ERCC3: variants seen among roughly 807,000 people sequenced by gnomAD.
ERCC3 encodes the protein general transcription and DNA repair factor IIH helicase/translocase subunit XPB.
A neutral mutation model predicts 94.2 loss-of-function variants in ERCC3; 66 were observed. The observed-to-expected ratio is 0.70, with a 90% confidence interval of 0.57 to 0.86. ERCC3 has a LOEUF of 0.86. Among genes scored for constraint, ERCC3 ranks in the 40% least tolerant of loss-of-function variants. ERCC3 has a pLI of 0.00. For missense variants in ERCC3, 829 were observed against 987.1 expected (o/e 0.84, Z 2.15); for synonymous variants, 349 against 369.1 (o/e 0.95, Z 0.63).
chr2:127,267,975 C>G (rs1163230695), intron 12 of ERCC3, among the ~76,000 whole-genome samples: 1 of 151,854 alleles, frequency 6.6e-6, no homozygotes, highest in Non-Finnish European at 1.5e-5. Context: ...TGTTTTGAGA[C>G]AGAGTCTTGC....
In ERCC3 at chr2:127,272,884, T is replaced by G. The variant is rs778751078; in HGVS notation, c.1808A>C (p.Asn603Thr). Residue 603 changes from asparagine to threonine, a missense_variant, in exon 11 of 15, where the codon AAC becomes ACC. Physicochemically the swap from Asn to Thr is moderately conservative, Grantham distance 65 (BLOSUM62 0). Coordinates refer to ENST00000285398, the MANE Select transcript of ERCC3 (RefSeq NM_000122.2). ...ACAAACCTTGGATATGAAGATGGTGTTAATTTTGGGGTTGTGCTTGAAATT... is the reference window on the plus strand; with the variant it reads ...ACAAACCTTGGATATGAAGATGGTGGTAATTTTGGGGTTGTGCTTGAAATT... Reference protein sequence around the residue: ...LQNFKHNPKINTIFISKVGDT... With the variant: ...LQNFKHNPKITTIFISKVGDT... 9.3e-6 allele frequency: 15 copies of G among 1,612,926 alleles called. No individual in the cohort carries two copies. Among genetic ancestry groups the G allele is most frequent in the African/African-American group, 2.7e-5 (2 of 74,896 alleles).
In ERCC3 at chr2:127,280,947, C is replaced by T; in HGVS notation, c.1343-316G>A. ...CTGGCTCTAGACAAGAATGACTAGG[C>T]AAATGCTTCACCATCACTTTTAGAC... On this transcript the variant is annotated intron_variant, in intron 8 of 14. Transcript: ENST00000285398. The surrounding 1 kb of genome is among the most constrained non-coding windows in gnomAD (Gnocchi z 6.3). The T allele has an allele frequency of 2.0e-6, 1 of 493,540 alleles. No individual in the cohort carries two copies. The allele number at this position is 493,540 out of a possible 1,614,324, so 30.6% of individuals were successfully genotyped here.
chr2:127,261,344 T>C lies in ERCC3; in HGVS notation c.1948A>G (p.Met650Val). ...LGRVLRAKKGMVAEEYNAFFY... is the reference protein window; with the variant it reads ...LGRVLRAKKGVVAEEYNAFFY... ...AAGGCATTGTACTCTTCTGCAACCATCCCTGCAGGAAAAAATGAGAAACGG... is the reference window on the plus strand; with the variant it reads ...AAGGCATTGTACTCTTCTGCAACCACCCCTGCAGGAAAAAATGAGAAACGG... Residue 650 changes from methionine (M) to valine (V), a missense_variant and splice_region_variant, in exon 13 of 15, where the codon ATG becomes GTG. Met to Val is a conservative substitution (Grantham distance 21, BLOSUM62 1). Coordinates refer to ENST00000285398, the MANE Select transcript of ERCC3 (RefSeq NM_000122.2). 1 of 1,576,474 alleles carries C rather than the reference T, an allele frequency of 6.3e-7. No homozygotes were observed. The highest frequency in any genetic ancestry group is 8.7e-7 in the Non-Finnish European group (1 of 1,145,868).
At chr2:127,282,254 T>C (rs982710606) in intron 8 of ERCC3, among the ~76,000 whole-genome samples, 1 of 152,216 alleles carries the variant, frequency 6.6e-6, no homozygotes, top group Non-Finnish European at 1.5e-5. Context: ...TTCTGAACTT[T>C]GCATGAATGA....
chr2:127,263,709 T>C (rs543548235), intron 12 of ERCC3, among the ~76,000 whole-genome samples: 27 of 151,678 alleles, frequency 1.8e-4, no homozygotes, highest in Admixed American at 1.8e-3. Context: ...CCAGTTCTTT[T>C]TTTTTTTTTT....
chr2:127,287,067 G>T, intron 7 of ERCC3, 50 bp from the exon 8 acceptor site: 2 of 1,424,814 alleles, frequency 1.4e-6, no homozygotes, highest in Non-Finnish European at 9.8e-7. Context: ...TGAAATGAAG[G>T]ACAGGGACAG....
At chr2:127,293,410 T>C in intron 2 of ERCC3, 103 bp downstream of exon 2, 1 of 1,078,216 alleles carries the variant, frequency 9.3e-7, no homozygotes, top group Non-Finnish European at 1.4e-6. Flanking sequence ...CGGCCAGTTC[T>C]AGGGGCAGTA....
At position 127,289,791 on chromosome 2, in the gene ERCC3, G is replaced by T. The variant is rs1410798873; in HGVS notation, c.555C>A (p.Ile185=). 1.1e-5 allele frequency: 18 copies of T among 1,614,006 alleles called. No homozygotes were observed. The highest frequency in any genetic ancestry group is 1.5e-5 in the Non-Finnish European group (18 of 1,180,032). The change falls in exon 5 of 15, where the codon ATC becomes ATA. Residue 185 remains isoleucine (I), a synonymous_variant. Transcript: ENST00000285398. Reference sequence around the variant, plus strand: ...TCACGGGGTCCTGGAGAAGATGCTGGATTACATCAGGGTGGCAACTTTCAA... The same window carrying T: ...TCACGGGGTCCTGGAGAAGATGCTGTATTACATCAGGGTGGCAACTTTCAA... The part of the protein sequence containing the change: ...YFVESCHPDV[I]QHLLQDPVIR...
intron 12 of ERCC3, chr2:127,261,578 T>G (rs776320418): frequency 2.7e-5 from 14 of 527,038 alleles, no homozygotes; most frequent in Non-Finnish European, 4.8e-5. Context: ...GGAAAGCATA[T>G]ATCTGATAAG....
rs4150413 is a variant in ERCC3 at position 127,289,525 on chromosome 2, C to G, written c.658-24G>C. The G allele has an allele frequency of 4.3e-3, 6,910 of 1,612,004 alleles. 399 individuals are homozygous for G. In the Admixed American group the frequency reaches 0.096, roughly 22 times the overall value. ...ATCTGTGAGAGAGGTAGGTGCTGAACGTGCACACAACATTTAATTCTGCTG... is the reference window on the plus strand; with the variant it reads ...ATCTGTGAGAGAGGTAGGTGCTGAAGGTGCACACAACATTTAATTCTGCTG... On this transcript the variant is annotated intron_variant, in intron 5 of 14. Transcript: ENST00000285398.
rs886200981 is a variant in ERCC3, at chr2:127,274,401, T to C, written c.1731-1440A>G. 2.6e-5 allele frequency among the ~76,000 whole-genome samples: 4 copies of C among 151,946 alleles called. No homozygotes were observed. Among genetic ancestry groups the C allele is most frequent in the Non-Finnish European group, 5.9e-5 (4 of 68,004 alleles). ...AGCATTGTAAAAGACAGGTTTCATG[T>C]TCCCCAATTTACATGTGGGAAACCA... On this transcript the variant is annotated intron_variant, in intron 10 of 14. Transcript: ENST00000285398. The surrounding 1 kb of genome is among the most constrained non-coding windows in gnomAD (Gnocchi z 4.0).
At chr2:127,275,500 T>C (rs1245846571) in intron 10 of ERCC3, among the ~76,000 whole-genome samples, 1 of 152,074 alleles carries the variant, frequency 6.6e-6, no homozygotes, top group Admixed American at 6.5e-5. Context: ...GGCTTGGAAT[T>C]GACAGTGCCA....
At chr2:127,283,479 T>C (rs892645854) in intron 8 of ERCC3, among the ~76,000 whole-genome samples, 11 of 152,246 alleles carry the variant, frequency 7.2e-5, no homozygotes, top group Admixed American at 6.5e-4. Flanking sequence ...AGCTTGTTTA[T>C]CCAGACACCC....
rs1558948799 is a variant in ERCC3, at chr2:127,264,940, A to C, written c.1946-3594T>G. On this transcript the variant is annotated intron_variant, in intron 12 of 14. Transcript: ENST00000285398. The surrounding 1 kb of genome is among the most constrained non-coding windows in gnomAD (Gnocchi z 4.4). ...TCAGCTCACTGCAACCTCCACCTCC[A>C]GGGTTTAAGCAATTCTCCTGCCTCA... 6.7e-6 allele frequency among the ~76,000 whole-genome samples: 1 copy of C among 149,442 alleles called. No individual in the cohort carries two copies. Among genetic ancestry groups the C allele is most frequent in the Non-Finnish European group, 1.5e-5 (1 of 67,530 alleles).
At position 127,274,907 on chromosome 2, in the gene ERCC3, C is replaced by A. The variant is rs529042894; in HGVS notation, c.1731-1946G>T. Among the ~76,000 whole-genome samples the A allele has an allele frequency of 2.0e-5, 3 of 152,254 alleles. No homozygotes were observed. Among genetic ancestry groups the A allele is most frequent in the East Asian group, 1.9e-4 (1 of 5,172 alleles). ...ACAAGCTGCCAGGCACAAGAATCCA[C>A]CCCCCACCATCAAGGGACACCAGGA... On this transcript the variant is annotated intron_variant, in intron 10 of 14. Coordinates refer to ENST00000285398, the MANE Select transcript of ERCC3 (RefSeq NM_000122.2). This position sits in a 1 kb window ranked among gnomAD's most constrained non-coding sequence, Gnocchi z 4.0.
In ERCC3 at chr2:127,290,256, A is replaced by G. The variant is rs1488172483; in HGVS notation, c.489T>C (p.Tyr163=). 1.2e-6 allele frequency: 2 copies of G among 1,613,958 alleles called. No individual in the cohort carries two copies. The highest frequency in any genetic ancestry group is 2.2e-5 in the South Asian group (2 of 91,086). The change falls in exon 4 of 15, where the codon TAT becomes TAC. Residue 163 remains tyrosine (Y), a synonymous_variant. Transcript: ENST00000285398. ...MQFIKLCTVS[Y]GKVKLVLKHN... ...GCTTCAAGACCAGCTTGACTTTTCCATAGCTGACAGTACACAACTGCAAAT... is the reference window on the plus strand; with the variant it reads ...GCTTCAAGACCAGCTTGACTTTTCCGTAGCTGACAGTACACAACTGCAAAT...
In ERCC3 at chr2:127,289,817, C is replaced by A. The variant is rs139690693; in HGVS notation, c.529G>T (p.Val177Phe). The change falls in exon 5 of 15, where the codon GTT (valine) becomes TTT (phenylalanine). Residue 177 changes from valine to phenylalanine, a missense_variant. By Grantham distance (50) the Val-to-Phe change is conservative. Coordinates refer to ENST00000285398, the MANE Select transcript of ERCC3 (RefSeq NM_000122.2). ...ATTACATCAGGGTGGCAACTTTCAA[C>A]GAAGTATCTGCAAGCAGGGGAGGAA... Reference protein sequence around the residue: ...KLVLKHNRYFVESCHPDVIQH... With the variant: ...KLVLKHNRYFFESCHPDVIQH... 5 of 1,614,034 alleles carry A rather than the reference C, an allele frequency of 3.1e-6. No individual in the cohort carries two copies. The highest frequency in any genetic ancestry group is 3.4e-6 in the Non-Finnish European group (4 of 1,180,006).
rs1291272894 is a variant in ERCC3 at position 127,288,771 on chromosome 2, T to C, written c.916A>G (p.Ile306Val). Residue 306 changes from isoleucine to valine, a missense_variant, in exon 7 of 15, where the codon ATC (isoleucine) becomes GTC (valine). Ile to Val is a conservative substitution (Grantham distance 29). Coordinates refer to ENST00000285398, the MANE Select transcript of ERCC3 (RefSeq NM_000122.2). ...GCTGTGGGCTTTAGGTCAATGTTGA[T>C]ATCAGGGTTGACAGAATCATTCCGG... ...DFRNDSVNPD[I>V]NIDLKPTAVL... The C allele has an allele frequency of 3.7e-6, 6 of 1,614,096 alleles. No individual in the cohort carries two copies. Among genetic ancestry groups the C allele is most frequent in the South Asian group, 1.1e-5 (1 of 91,074 alleles).
chr2:127,270,069 T>C (rs1684503053), intron 12 of ERCC3, among the ~76,000 whole-genome samples: 1 of 152,134 alleles, frequency 6.6e-6, no homozygotes, highest in South Asian at 2.1e-4. Flanking sequence ...CAAATTAGAG[T>C]AAGGAATAAG....
Sources: allele counts gnomAD v4.1 joint callset (sites outside exome capture counted in the v4.1 genomes callset), GRCh38; gene constraint gnomAD v4.1.1; non-coding constraint Gnocchi (gnomAD v3.1); transcripts MANE v1.5; gene names NCBI Gene and HGNC (gene_info 2026-07-23, HGNC 2026-07-21).